Variants in ABCC9 observed in about 807,000 individuals in gnomAD.
The protein encoded by ABCC9 is ATP binding cassette subfamily C member 9.
ABCC9 carries 95 observed loss-of-function variants against 188.3 expected under a neutral mutation model. That is an observed-to-expected ratio of 0.50 (90% CI 0.43 to 0.60). ABCC9 has a LOEUF of 0.60. ABCC9 is among the 20% of genes least tolerant of loss of function. ABCC9 has a pLI of 0.00. For missense variants in ABCC9, 1,102 were observed against 1,876.3 expected, an observed-to-expected ratio of 0.59 and a Z score of 7.62; for synonymous variants, 659 against 652.7, an observed-to-expected ratio of 1.01 and a Z score of -0.15.
At chr12:21,854,169 C>G (rs1341889576) in intron 22 of ABCC9, among the ~76,000 whole-genome samples, 1 of 152,028 alleles carries the variant, frequency 6.6e-6, no homozygotes, top group East Asian at 1.9e-4. Context: ...GAATAATGAA[C>G]AAAACAAAAG....
intron 19 of ABCC9, 66 bp downstream of exon 19, chr12:21,864,373 T>G (rs1945679339): frequency 8.7e-7 from 1 of 1,153,394 alleles, no homozygotes; most frequent in African/African-American, 1.5e-5. Context: ...AAAATGAGAT[T>G]AAAGAGATTA....
At chr12:21,887,693 C>T in intron 15 of ABCC9, 133 bp downstream of exon 15, 1 of 694,622 alleles carries the variant, frequency 1.4e-6, no homozygotes, top group Non-Finnish European at 2.6e-6. Flanking sequence ...TGTAGAGAAG[C>T]AAGTCGTGAT....
chr12:21,806,090 C>T (rs538318117), intron 38 of ABCC9, 30 bp from the exon 39 acceptor site: 60 of 1,589,744 alleles, frequency 3.8e-5, no homozygotes, highest in Non-Finnish European at 4.6e-5. Flanking sequence ...TAAATTTTCT[C>T]GGGATTACTT....
rs1400766903 is a variant in ABCC9, at chr12:21,799,771, G to T, written c.*1273C>A. On this transcript the variant is annotated 3_prime_UTR_variant, in exon 40 of 40. Transcript: ENST00000261200. Reference sequence around the variant, plus strand: ...TGCATGTGGATCTTCATATGAAAAAGAAATCAATGATATTGACACTGGATG... The same window carrying T: ...TGCATGTGGATCTTCATATGAAAAATAAATCAATGATATTGACACTGGATG... 3.3e-5 allele frequency: 5 copies of T among 152,178 alleles called. No homozygotes were observed. In the East Asian group the frequency reaches 9.7e-4, roughly 29 times the overall value. The allele number at this position is 152,178 out of a possible 1,614,324, so 9.4% of individuals were successfully genotyped here. A position where few individuals can be genotyped will look rare whatever the true frequency, so the allele number is the denominator to read the frequency against.
At chr12:21,905,100 A>G (rs576485547) in intron 12 of ABCC9, among the ~76,000 whole-genome samples, 50 of 152,336 alleles carry the variant, frequency 3.3e-4, no homozygotes, top group African/African-American at 9.4e-4. Flanking sequence ...ATGCAGCCAT[A>G]AAAAAGGATG....
At position 21,917,045 on chromosome 12, in the gene ABCC9, G is replaced by A. The variant is rs1276755694; in HGVS notation, c.465C>T (p.Tyr155=). 6.2e-7 allele frequency: 1 copy of A among 1,613,852 alleles called. No individual in the cohort carries two copies. Among genetic ancestry groups the A allele is most frequent in the Non-Finnish European group, 8.5e-7 (1 of 1,179,818 alleles). The change falls in exon 6 of 40, where the codon TAC becomes TAT. Residue 155 remains tyrosine (Y), a synonymous_variant. Transcript: ENST00000261200. ...FITKTIKLVK[Y]CQSGLDISNL... ...TTGATATGTCCAAGCCAGACTGACAGTACTTAACCAATTTTATTGTTTTTG... is the reference window on the plus strand; with the variant it reads ...TTGATATGTCCAAGCCAGACTGACAATACTTAACCAATTTTATTGTTTTTG...
At chr12:21,892,020 A>C in intron 14 of ABCC9, among the ~76,000 whole-genome samples, 1 of 152,212 alleles carries the variant, frequency 6.6e-6, no homozygotes, top group Non-Finnish European at 1.5e-5. Flanking sequence ...TCAACCACTG[A>C]AACTCATTTG....
chr12:21,859,145 G>A (rs935622519), intron 22 of ABCC9, among the ~76,000 whole-genome samples: 4 of 152,150 alleles, frequency 2.6e-5, no homozygotes, highest in African/African-American at 7.2e-5. Context: ...CAGTTGTAGG[G>A]AGCATCACAG....
intron 12 of ABCC9, among the ~76,000 whole-genome samples, chr12:21,902,220 G>T (rs891541833): frequency 2.6e-5 from 4 of 152,124 alleles, no homozygotes; most frequent in African/African-American, 9.7e-5. Flanking sequence ...CGAAATGAAG[G>T]CAGAAATAAA....
intron 15 of ABCC9, among the ~76,000 whole-genome samples, chr12:21,885,062 T>C (rs1946804690): frequency 6.6e-6 from 1 of 152,172 alleles, no homozygotes; most frequent in African/African-American, 2.4e-5. Flanking sequence ...AGTAAATGTG[T>C]TGACAGAGAT....
chr12:21,927,846 C>T (rs894793676), intron 4 of ABCC9, among the ~76,000 whole-genome samples: 2 of 152,114 alleles, frequency 1.3e-5, no homozygotes, highest in Non-Finnish European at 2.9e-5. Context: ...AGATCAAAAT[C>T]ATCAGAGGAA....
intron 8 of ABCC9, among the ~76,000 whole-genome samples, chr12:21,911,880 G>GA (rs1555114461): frequency 1.2e-5 from 1 of 83,790 alleles, no homozygotes; most frequent in Non-Finnish European, 2.6e-5. Flanking sequence ...ATTCAGTGGT[G>GA]AAAATATCTG....
rs1945482523 is a variant in ABCC9, at chr12:21,861,112, T to C, written c.2340-57A>G. 4 of 1,370,516 alleles carry C rather than the reference T, an allele frequency of 2.9e-6. No homozygotes were observed. The South Asian group carries it at 4.6e-5, about 16-fold the overall frequency. The allele number at this position is 1,370,516 out of a possible 1,614,324, so 84.9% of individuals were successfully genotyped here. ...CTCAATTAATACATTGTCCATAAAC[T>C]AAGTGCCAAATTCAATACTTTGGAA... On this transcript the variant is annotated intron_variant, in intron 20 of 39. Coordinates refer to ENST00000261200, the MANE Select transcript of ABCC9 (RefSeq NM_020297.4).
At chr12:21,886,007 A>G (rs1001344969) in intron 15 of ABCC9, among the ~76,000 whole-genome samples, 2 of 152,180 alleles carry the variant, frequency 1.3e-5, no homozygotes, top group Non-Finnish European at 1.5e-5. Flanking sequence ...TTCTAATAGT[A>G]ACAATTATAA....
chr12:21,892,525 T>C (rs868791507), intron 14 of ABCC9, among the ~76,000 whole-genome samples: 1 of 152,158 alleles, frequency 6.6e-6, no homozygotes, highest in African/African-American at 2.4e-5. Context: ...AATTTGGAAG[T>C]GGTGCTACAA....
intron 36 of ABCC9, among the ~76,000 whole-genome samples, chr12:21,810,156 T>TA (rs1283914136): frequency 6.6e-6 from 1 of 152,196 alleles, no homozygotes; most frequent in Non-Finnish European, 1.5e-5. Context: ...CTTAATAGTA[T>TA]AAAAAATTGT....
chr12:21,882,640 A>G (rs1946677930), intron 16 of ABCC9, 126 bp downstream of exon 16: 1 of 814,578 alleles, frequency 1.2e-6, no homozygotes, highest in Non-Finnish European at 2.0e-6. Flanking sequence ...TTTAAATGTT[A>G]TTAGGGTTAA....
intron 18 of ABCC9, chr12:21,869,794 ACTTGT>A (rs548628985): frequency 2.0e-5 from 3 of 152,170 alleles, no homozygotes; most frequent in Non-Finnish European, 4.4e-5. Context: ...TGAGATAGAG[ACTTGT>A]CTTGTCTTGT....
chr12:21,869,400 C>T (rs1013482819), intron 18 of ABCC9, among the ~76,000 whole-genome samples: 1 of 152,198 alleles, frequency 6.6e-6, no homozygotes, highest in Admixed American at 6.5e-5. Flanking sequence ...CCGCACTTTC[C>T]CTCTTGCCTC....
Sources: gnomAD v4.1 joint callset for allele counts (sites outside exome capture counted in the v4.1 genomes callset) on GRCh38, gnomAD v4.1.1 for gene constraint, MANE v1.5 for transcripts, NCBI Gene and HGNC (gene_info 2026-07-23, HGNC 2026-07-21) for gene names.